The following MNAT1 variants were observed in gnomAD, a reference collection of about 807,000 sequenced individuals.
The protein encoded by MNAT1 is CDK-activating kinase assembly factor MAT1.
MNAT1 carries 43 observed loss-of-function variants against 42.0 expected under a neutral mutation model. That is an observed-to-expected ratio of 1.02 (90% CI 0.80 to 1.32). MNAT1 has a LOEUF of 1.32. Ranked by LOEUF, MNAT1 falls within the 40% of genes most tolerant of loss-of-function variation. MNAT1 has a pLI of 0.00. For missense variants in MNAT1, 306 were observed against 350.4 expected (o/e 0.87, Z 1.01); for synonymous variants, 118 against 120.0 (o/e 0.98, Z 0.11).
At chr14:60,917,040 T>C (rs2035535041) in intron 7 of MNAT1, among the ~76,000 whole-genome samples, 1 of 152,092 alleles carries the variant, frequency 6.6e-6, no homozygotes, top group Non-Finnish European at 1.5e-5. Flanking sequence ...AAAACCCACT[T>C]GTAGTGGGTT....
intron 7 of MNAT1, among the ~76,000 whole-genome samples, chr14:60,924,038 C>T (rs1391217329): frequency 6.6e-6 from 1 of 152,102 alleles, no homozygotes; most frequent in Non-Finnish European, 1.5e-5. Context: ...ATTATGACTG[C>T]CACTTTAAAG....
intron 1 of MNAT1, among the ~76,000 whole-genome samples, chr14:60,763,959 G>A (rs555819997): frequency 5.9e-5 from 9 of 152,164 alleles, no homozygotes; most frequent in African/African-American, 1.4e-4. Flanking sequence ...ATAGTCACAT[G>A]GATTTATCTT....
intron 7 of MNAT1, among the ~76,000 whole-genome samples, chr14:60,913,880 A>C (rs540867173): frequency 3.3e-5 from 5 of 152,190 alleles, no homozygotes; most frequent in Non-Finnish European, 7.3e-5. Context: ...TTAAGACTGC[A>C]GAGGTTATTG....
chr14:60,923,790 G>A (rs2035710454), intron 7 of MNAT1, among the ~76,000 whole-genome samples: 1 of 152,082 alleles, frequency 6.6e-6, no homozygotes, highest in African/African-American at 2.4e-5. Context: ...ACCAGCTTGG[G>A]CAATATGGTG....
intron 7 of MNAT1, among the ~76,000 whole-genome samples, chr14:60,941,595 A>G (rs1328024507): frequency 6.6e-6 from 1 of 151,756 alleles, no homozygotes; most frequent in African/African-American, 2.4e-5. Context: ...AGTCCTAGCT[A>G]CTCAGGAGGG....
At chr14:60,844,542 T>C (rs996956443) in intron 6 of MNAT1, among the ~76,000 whole-genome samples, 1 of 152,142 alleles carries the variant, frequency 6.6e-6, no homozygotes, top group Non-Finnish European at 1.5e-5. Flanking sequence ...TATTTTTACA[T>C]TGGGCTTGCG....
chr14:60,792,676 G>A (rs1268473538), intron 1 of MNAT1, among the ~76,000 whole-genome samples: 1 of 151,962 alleles, frequency 6.6e-6, no homozygotes, highest in African/African-American at 2.4e-5. Flanking sequence ...AATTTGACAT[G>A]GAATATAGTT....
chr14:60,912,652 C>G (rs182507844), intron 7 of MNAT1, among the ~76,000 whole-genome samples: 10 of 152,306 alleles, frequency 6.6e-5, no homozygotes, highest in Admixed American at 5.9e-4. Flanking sequence ...TATTGGCCCC[C>G]ACTGTCTTCT....
At chr14:60,836,903 T>G (rs1344685848) in intron 6 of MNAT1, among the ~76,000 whole-genome samples, 1 of 152,188 alleles carries the variant, frequency 6.6e-6, no homozygotes, top group Non-Finnish European at 1.5e-5. Context: ...AGCCCCTTAC[T>G]GGGGCTGCTG....
At chr14:60,828,686 A>G (rs1364838356) in intron 6 of MNAT1, among the ~76,000 whole-genome samples, 1 of 152,068 alleles carries the variant, frequency 6.6e-6, no homozygotes, top group Admixed American at 6.6e-5. Context: ...GTACCACACA[A>G]CTGCTCCCAA....
intron 1 of MNAT1, among the ~76,000 whole-genome samples, chr14:60,773,589 T>A (rs186596230): frequency 8.5e-5 from 13 of 152,312 alleles, no homozygotes; most frequent in Admixed American, 6.5e-4. Context: ...AGAATTTACT[T>A]CAGGCAATTA....
chr14:60,925,257 TTAAA>T (rs1296002077), intron 7 of MNAT1, among the ~76,000 whole-genome samples: 52 of 152,212 alleles, frequency 3.4e-4, no homozygotes, highest in African/African-American at 1.1e-3. Flanking sequence ...GAAAAATAAA[TTAAA>T]TAAATAAAGT....
chr14:60,811,007 A>G (rs761638376), intron 4 of MNAT1, among the ~76,000 whole-genome samples: 12 of 152,072 alleles, frequency 7.9e-5, no homozygotes, highest in Non-Finnish European at 1.3e-4. Flanking sequence ...TTCAGTTGTC[A>G]ATGTTTGCTT....
chr14:60,823,059 T>C (rs1051305220), intron 6 of MNAT1, among the ~76,000 whole-genome samples: 3 of 152,122 alleles, frequency 2.0e-5, no homozygotes, highest in Admixed American at 1.3e-4. Context: ...GAGCACACTT[T>C]TAATGATGAA....
chr14:60,757,141 A>T (rs939597388), intron 1 of MNAT1, among the ~76,000 whole-genome samples: 6 of 152,184 alleles, frequency 3.9e-5, no homozygotes, highest in African/African-American at 1.4e-4. Flanking sequence ...AACACAGAGT[A>T]CTAAGAAGCT....
intron 1 of MNAT1, among the ~76,000 whole-genome samples, chr14:60,791,254 G>A (rs1001736840): frequency 5.9e-5 from 9 of 152,058 alleles, no homozygotes; most frequent in Admixed American, 5.2e-4. Context: ...TTAATTTTGA[G>A]TTCTAAGATA....
At chr14:60,824,831 A>G (rs1358906294) in intron 6 of MNAT1, among the ~76,000 whole-genome samples, 2 of 152,216 alleles carry the variant, frequency 1.3e-5, no homozygotes, top group African/African-American at 4.8e-5. Flanking sequence ...GTAGTTAGAT[A>G]TATAAATGAA....
At chr14:60,949,976 A>G (rs1255661396) in intron 7 of MNAT1, among the ~76,000 whole-genome samples, 1 of 152,182 alleles carries the variant, frequency 6.6e-6, no homozygotes, top group African/African-American at 2.4e-5. Flanking sequence ...TTTGACTTAG[A>G]TATTTTATGA....
At chr14:60,845,943 C>G (rs1401724757) in intron 6 of MNAT1, among the ~76,000 whole-genome samples, 2 of 151,960 alleles carry the variant, frequency 1.3e-5, no homozygotes, top group Non-Finnish European at 2.9e-5. Context: ...AGTTTCTGAA[C>G]CATTGGTATT....
Sources: gnomAD v4.1 joint callset for allele counts (sites outside exome capture counted in the v4.1 genomes callset) on GRCh38, gnomAD v4.1.1 for gene constraint, MANE v1.5 for transcripts, NCBI Gene and HGNC (gene_info 2026-07-23, HGNC 2026-07-21) for gene names.